The following CCDC88C variants were observed in gnomAD, a reference collection of about 807,000 sequenced individuals.
The protein encoded by CCDC88C is protein Daple.
In CCDC88C, 131 loss-of-function variants were observed where a neutral mutation model predicts 198.8. The observed-to-expected ratio is 0.66, with a 90% confidence interval of 0.57 to 0.76. The LOEUF is 0.76. Among genes scored for constraint, CCDC88C ranks in the 30% least tolerant of loss-of-function variants. The pLI, the probability that CCDC88C is intolerant of heterozygous loss-of-function variation, is 0.00. For missense variants in CCDC88C, 2,553 were observed against 2,631.6 expected (o/e 0.97, Z 0.65); for synonymous variants, 1,166 against 1,114.7 (o/e 1.05, Z -0.92).
intron 3 of CCDC88C, among the ~76,000 whole-genome samples, chr14:91,365,515 A>G (rs1894494068): frequency 6.6e-6 from 1 of 152,190 alleles, no homozygotes; most frequent in Non-Finnish European, 1.5e-5. Flanking sequence ...GCCAGTCTCT[A>G]TCTGGGACTT....
At chr14:91,280,624 A>G (rs1186487824) in intron 27 of CCDC88C, among the ~76,000 whole-genome samples, 2 of 152,238 alleles carry the variant, frequency 1.3e-5, no homozygotes, top group African/African-American at 4.8e-5. Flanking sequence ...GAGGAAACAG[A>G]ACATTTATGA....
chr14:91,335,086 C>A (rs1367048686), intron 10 of CCDC88C, among the ~76,000 whole-genome samples: 1 of 152,180 alleles, frequency 6.6e-6, no homozygotes, highest in Non-Finnish European at 1.5e-5. Flanking sequence ...AGCGTCTCTC[C>A]AACACCTCCC....
intron 10 of CCDC88C, among the ~76,000 whole-genome samples, chr14:91,326,522 C>T (rs1055974924): frequency 5.3e-5 from 8 of 152,126 alleles, no homozygotes; most frequent in African/African-American, 1.7e-4. Flanking sequence ...CCATCTTCAC[C>T]CTTTTTAATC....
At chr14:91,322,633 C>T (rs1339669541) in intron 12 of CCDC88C, among the ~76,000 whole-genome samples, 1 of 152,084 alleles carries the variant, frequency 6.6e-6, no homozygotes, top group African/African-American at 2.4e-5. Flanking sequence ...GGGGGTGAAC[C>T]CATTTTTAAA....
At chr14:91,366,260 C>T (rs548008125) in intron 3 of CCDC88C, among the ~76,000 whole-genome samples, 5 of 151,622 alleles carry the variant, frequency 3.3e-5, no homozygotes, top group South Asian at 4.2e-4. Flanking sequence ...CCAAGGCGAG[C>T]GGGTCACCTG....
At chr14:91,389,082 A>C (rs1385328698) in intron 3 of CCDC88C, among the ~76,000 whole-genome samples, 1 of 152,200 alleles carries the variant, frequency 6.6e-6, no homozygotes. Flanking sequence ...GGGAAACTGA[A>C]GTACACAGAG....
At chr14:91,304,723 C>A (rs1426620946) in intron 19 of CCDC88C, among the ~76,000 whole-genome samples, 1 of 152,150 alleles carries the variant, frequency 6.6e-6, no homozygotes, top group Non-Finnish European at 1.5e-5. Context: ...CCAACAACAT[C>A]CAAAATCATC....
chr14:91,295,529 C>T (rs993650458), intron 22 of CCDC88C, among the ~76,000 whole-genome samples: 5 of 152,194 alleles, frequency 3.3e-5, no homozygotes, highest in Non-Finnish European at 7.4e-5. Flanking sequence ...GGAACCAAGC[C>T]GGCTGGGCCC....
chr14:91,298,990 A>G (rs1368095162), intron 21 of CCDC88C, among the ~76,000 whole-genome samples: 1 of 152,256 alleles, frequency 6.6e-6, no homozygotes, highest in Non-Finnish European at 1.5e-5. Context: ...AGATAACAAT[A>G]GTATAGTCGA....
chr14:91,402,316 A>C (rs1023368947), intron 3 of CCDC88C, among the ~76,000 whole-genome samples: 5 of 152,206 alleles, frequency 3.3e-5, no homozygotes, highest in Admixed American at 3.3e-4. Flanking sequence ...AAATTAAAAG[A>C]CTTTCCTTCT....
intron 28 of CCDC88C, 105 bp downstream of exon 28, chr14:91,279,133 C>G: frequency 1.1e-6 from 1 of 901,156 alleles, no homozygotes; most frequent in East Asian, 2.7e-5. Flanking sequence ...CTCCTGGGCT[C>G]AAGCGATCCA....
intron 13 of CCDC88C, among the ~76,000 whole-genome samples, chr14:91,319,791 C>T (rs1049940554): frequency 1.6e-4 from 25 of 152,010 alleles, no homozygotes; most frequent in Admixed American, 6.6e-5. Flanking sequence ...TTTGGGAGGC[C>T]GAGGCGGGTG....
At position 91,305,765 on chromosome 14, in the gene CCDC88C, C is replaced by A. The variant is rs1290671662; in HGVS notation, c.3357G>T (p.Gln1119His). 6.3e-7 allele frequency: 1 copy of A among 1,598,578 alleles called. No individual in the cohort carries two copies. Among genetic ancestry groups the A allele is most frequent in the East Asian group, 2.3e-5 (1 of 44,426 alleles). The change falls in exon 19 of 30, where the codon CAG becomes CAT. Residue 1119 changes from glutamine to histidine, a missense_variant and splice_region_variant. This residue lies in a region of CCDC88C where 1,293 missense variants were observed against 1,219.6 expected (regional missense o/e 1.06). Transcript: ENST00000389857. ...CACTGGTGTTGGGAGCCCCGCTCAC[C>A]TGCAGCTTGGCGGTCTGGGTCTGCA... ...TTLQTQTAKL[Q>H]VENSTLSSQS...
intron 29 of CCDC88C, among the ~76,000 whole-genome samples, chr14:91,277,137 T>C (rs1469014284): frequency 6.6e-6 from 1 of 152,028 alleles, no homozygotes; most frequent in Admixed American, 6.5e-5. Context: ...GCCCGGCTAA[T>C]TTTTGTATTT....
intron 3 of CCDC88C, among the ~76,000 whole-genome samples, chr14:91,386,752 G>A (rs1885175312): frequency 6.6e-6 from 1 of 152,186 alleles, no homozygotes; most frequent in South Asian, 2.1e-4. Context: ...CCATCTTAGA[G>A]GCCAGCACAC....
Position 91,381,514 on chromosome 14 carries a change from GGACTGCA to G in CCDC88C, c.271-21810_271-21804del, listed in dbSNP as rs1369925396. On this transcript the variant is annotated intron_variant, in intron 3 of 29. Coordinates refer to ENST00000389857, the MANE Select transcript of CCDC88C (RefSeq NM_001080414.4). This position sits in a 1 kb window ranked among gnomAD's most constrained non-coding sequence, Gnocchi z 4.2. ...TTCTGCCCCAGGTGGCCCCTGCAGGGGACTGCAGACTGTCTTCCATTCAAGCCGGGCC... is the reference window on the plus strand; with the variant it reads ...TTCTGCCCCAGGTGGCCCCTGCAGGGGACTGTCTTCCATTCAAGCCGGGCC... Among the ~76,000 whole-genome samples, 1 of 152,194 alleles carries G rather than the reference GGACTGCA, an allele frequency of 6.6e-6. No homozygotes were observed. Among genetic ancestry groups the G allele is most frequent in the African/African-American group, 2.4e-5 (1 of 41,438 alleles).
rs759338331 is a variant in CCDC88C, at chr14:91,314,104, C to A, written c.1712G>T (p.Trp571Leu). 3.7e-6 allele frequency: 6 copies of A among 1,613,620 alleles called. No individual in the cohort carries two copies. Among genetic ancestry groups the A allele is most frequent in the Non-Finnish European group, 5.1e-6 (6 of 1,179,806 alleles). ...GACCTGCGACCTCTCCCGCAGCGACCACATGGCTCGGTTGAGGTGGTCCTT... is the reference window on the plus strand; with the variant it reads ...GACCTGCGACCTCTCCCGCAGCGACAACATGGCTCGGTTGAGGTGGTCCTT... ...QEKDHLNRAMWSLRERSQVSS... is the reference protein window; with the variant it reads ...QEKDHLNRAMLSLRERSQVSS... Residue 571 changes from tryptophan (W) to leucine (L), a missense_variant, in exon 15 of 30, where the codon TGG becomes TTG. Physicochemically the swap from Trp to Leu is moderately conservative, Grantham distance 61. This residue lies in a region of CCDC88C where 1,260 missense variants were observed against 1,412.0 expected (regional missense o/e 0.89). Transcript: ENST00000389857.
chr14:91,278,246 C>A (rs777452995), intron 28 of CCDC88C, 35 bp from the exon 29 acceptor site: 7 of 1,550,038 alleles, frequency 4.5e-6, no homozygotes, highest in Non-Finnish European at 6.1e-6. Context: ...GGACCCTCAT[C>A]AGTCTTGGCA....
intron 3 of CCDC88C, among the ~76,000 whole-genome samples, chr14:91,402,286 C>A (rs1038332696): frequency 6.6e-6 from 1 of 152,046 alleles, no homozygotes; most frequent in Non-Finnish European, 1.5e-5. Flanking sequence ...ACAGCAACAA[C>A]AACAACAACA....
Sources: allele counts gnomAD v4.1 joint callset (sites outside exome capture counted in the v4.1 genomes callset), GRCh38; gene constraint gnomAD v4.1.1; regional missense constraint gnomAD v4.1.1; non-coding constraint Gnocchi (gnomAD v3.1); transcripts MANE v1.5; gene names NCBI Gene and HGNC (gene_info 2026-07-23, HGNC 2026-07-21).